Variants in RALGPS1 observed in about 807,000 individuals in gnomAD.
The protein encoded by RALGPS1 is Ral GEF with PH domain and SH3 binding motif 1.
A neutral mutation model predicts 78.8 loss-of-function variants in RALGPS1; 19 were observed. That is an observed-to-expected ratio of 0.24 (90% CI 0.17 to 0.35). The LOEUF (loss-of-function observed/expected upper bound fraction) is 0.35, where lower values mean the gene tolerates loss of function less well. RALGPS1 is among the 10% of genes least tolerant of loss of function. RALGPS1 has a pLI of 1.00. For missense variants in RALGPS1, 454 were observed against 688.3 expected (o/e 0.66, Z 3.81); for synonymous variants, 228 against 256.3 (o/e 0.89, Z 1.06).
intron 8 of RALGPS1, among the ~76,000 whole-genome samples, chr9:127,125,337 G>A (rs60915404): frequency 0.052 from 7,906 of 152,288 alleles, 698 homozygotes; most frequent in African/African-American, 0.18. Flanking sequence ...GTACAGAGGA[G>A]TGAATAAACG....
intron 11 of RALGPS1, among the ~76,000 whole-genome samples, chr9:127,190,841 C>A (rs1042291412): frequency 3.3e-5 from 5 of 152,202 alleles, no homozygotes; most frequent in African/African-American, 1.2e-4. Context: ...AATATTTCAC[C>A]TTCATATAAG....
At chr9:127,071,390 GC>G (rs2050188695) in intron 8 of RALGPS1, among the ~76,000 whole-genome samples, 1 of 152,032 alleles carries the variant, frequency 6.6e-6, no homozygotes, top group African/African-American at 2.4e-5. Flanking sequence ...TGATAACAAA[GC>G]ATTGTGACAT....
At chr9:127,216,919 C>G (rs1244579168) in intron 18 of RALGPS1, 1 of 1,546,938 alleles carries the variant, frequency 6.5e-7, no homozygotes, top group East Asian at 2.5e-5. Context: ...GCCGGAGCAG[C>G]TCCAGGTCCA....
intron 4 of RALGPS1, among the ~76,000 whole-genome samples, chr9:126,988,951 GC>G (rs776567148): frequency 1.3e-5 from 2 of 152,094 alleles, no homozygotes; most frequent in Non-Finnish European, 2.9e-5. Flanking sequence ...GGCCAGAAGG[GC>G]CAGAGACAGC....
intron 7 of RALGPS1, among the ~76,000 whole-genome samples, chr9:127,067,174 A>C (rs1018312519): frequency 6.6e-6 from 1 of 152,182 alleles, no homozygotes; most frequent in African/African-American, 2.4e-5. Flanking sequence ...TCTTACAAAC[A>C]GCAAGTAGAA....
chr9:127,202,908 G>A (rs901653715), intron 14 of RALGPS1, among the ~76,000 whole-genome samples: 5 of 150,006 alleles, frequency 3.3e-5, no homozygotes, highest in Non-Finnish European at 7.4e-5. Context: ...GCGGCCGCAG[G>A]GCAGCGGCCG....
Position 127,098,429 on chromosome 9 carries a change from C to T in RALGPS1, c.610+29073C>T, listed in dbSNP as rs189054160. ...TCTCTATAAAGACCACATTTACATTCTTGGGGGAGCTGTGGCCAAATGTTC... is the reference window on the plus strand; with the variant it reads ...TCTCTATAAAGACCACATTTACATTTTTGGGGGAGCTGTGGCCAAATGTTC... On this transcript the variant is annotated intron_variant, in intron 8 of 18. Transcript: ENST00000259351. Among the ~76,000 whole-genome samples, 12 of 152,188 alleles carry T rather than the reference C, an allele frequency of 7.9e-5. No homozygotes were observed. In the East Asian group the frequency reaches 2.3e-3, roughly 29 times the overall value.
rs2058624459 is a variant in RALGPS1, at chr9:127,154,851, A to C, written c.611-11218A>C. Among the ~76,000 whole-genome samples, 3 of 152,148 alleles carry C rather than the reference A, an allele frequency of 2.0e-5. No individual in the cohort carries two copies. In the South Asian group the frequency reaches 6.2e-4, roughly 32 times the overall value. ...CTGGCCGGGATCCTGGTGGCCTCGG[A>C]CGTTTGGGGAGCCTTTCTGTGCACA... On this transcript the variant is annotated intron_variant, in intron 8 of 18. Transcript: ENST00000259351.
chr9:126,990,274 C>T (rs2042168112), intron 4 of RALGPS1: 1 of 391,452 alleles, frequency 2.6e-6, no homozygotes, highest in Non-Finnish European at 4.6e-6. Flanking sequence ...CCAACCTAGT[C>T]TAATCCACTG....
chr9:127,040,171 C>A (rs2047169951), intron 5 of RALGPS1, among the ~76,000 whole-genome samples: 1 of 152,172 alleles, frequency 6.6e-6, no homozygotes, highest in Non-Finnish European at 1.5e-5. Context: ...GAGGCCAAGG[C>A]AGGTGGATCA....
At position 127,108,542 on chromosome 9, in the gene RALGPS1, G is replaced by A. The variant is rs191786568; in HGVS notation, c.610+39186G>A. 53 of 1,613,272 alleles carry A rather than the reference G, an allele frequency of 3.3e-5. No homozygotes were observed. The Admixed American group carries it at 4.2e-4, about 13-fold the overall frequency. On this transcript the variant is annotated intron_variant, in intron 8 of 18. Transcript: ENST00000259351. ...TTGACGCAGATGGCACCCGTGACCC[G>A]CTGCTGGGGCACAATGAAGGTGTAG...
At chr9:127,142,563 A>T (rs1015712969) in intron 8 of RALGPS1, among the ~76,000 whole-genome samples, 6 of 151,848 alleles carry the variant, frequency 4.0e-5, no homozygotes, top group African/African-American at 1.2e-4. Flanking sequence ...CAGGTCCAGG[A>T]CTCCCTCCGC....
chr9:127,038,261 C>T (rs900250309), intron 5 of RALGPS1, among the ~76,000 whole-genome samples: 6 of 152,190 alleles, frequency 3.9e-5, no homozygotes, highest in African/African-American at 7.2e-5. Flanking sequence ...GCATTTTACC[C>T]GTGCTATCTA....
rs767353621 is a variant in RALGPS1 at position 126,917,908 on chromosome 9, G to T, written c.-66+2933G>T. Among the ~76,000 whole-genome samples the T allele has an allele frequency of 7.9e-5, 12 of 152,180 alleles. 1 individual carries two copies. The highest frequency in any genetic ancestry group is 1.4e-4 in the African/African-American group (6 of 41,434). On this transcript the variant is annotated intron_variant, in intron 1 of 18. Transcript: ENST00000259351. ...GAGTCCTTCGAGCTCTAGCCTTCTG[G>T]TTAGCATGCCGTCATCTTTTCTTCA...
intron 7 of RALGPS1, among the ~76,000 whole-genome samples, chr9:127,063,057 G>A (rs1481453053): frequency 1.3e-5 from 2 of 152,186 alleles, no homozygotes; most frequent in African/African-American, 2.4e-5. Context: ...CATATTTGGA[G>A]CAACAGTCTC....
intron 10 of RALGPS1, 122 bp downstream of exon 10, chr9:127,168,894 A>C: frequency 2.7e-6 from 2 of 749,928 alleles, no homozygotes; most frequent in Non-Finnish European, 4.7e-6. Flanking sequence ...AGGGCTTATC[A>C]GAGTCCACAG....
chr9:127,202,022 G>A (rs1474941078), intron 14 of RALGPS1, among the ~76,000 whole-genome samples: 2 of 152,258 alleles, frequency 1.3e-5, no homozygotes, highest in Non-Finnish European at 2.9e-5. Flanking sequence ...CCGTGGTGGG[G>A]GAGACAGCAT....
At chr9:127,137,050 C>G (rs1564646509) in intron 8 of RALGPS1, among the ~76,000 whole-genome samples, 1 of 152,182 alleles carries the variant, frequency 6.6e-6, no homozygotes, top group Non-Finnish European at 1.5e-5. Context: ...ATATTTTTAA[C>G]TACCCCACAA....
At chr9:127,045,731 A>G (rs950451649) in intron 5 of RALGPS1, among the ~76,000 whole-genome samples, 35 of 38,154 alleles carry the variant, frequency 9.2e-4, no homozygotes, top group African/African-American at 2.4e-3. Context: ...ATGGGTTAGT[A>G]CACACACACA....
Sources: gnomAD v4.1 joint callset for allele counts (sites outside exome capture counted in the v4.1 genomes callset) on GRCh38, gnomAD v4.1.1 for gene constraint, MANE v1.5 for transcripts, NCBI Gene and HGNC (gene_info 2026-07-23, HGNC 2026-07-21) for gene names.